Variants in RNF130 observed in about 807,000 individuals in gnomAD.
RNF130 encodes the protein E3 ubiquitin-protein ligase RNF130.
In RNF130, 21 loss-of-function variants were observed where a neutral mutation model predicts 44.6. The observed-to-expected ratio is 0.47, with a 90% CI of 0.33 to 0.68. RNF130 has a LOEUF of 0.68. Ranked by LOEUF, RNF130 falls within the 30% of genes least tolerant of loss-of-function variation. The probability of loss-of-function intolerance (pLI) is 0.02; values close to 1 mark genes in which losing one functional copy is unlikely to be tolerated. For missense variants in RNF130, 479 were observed against 560.6 expected (o/e 0.85, Z 1.47); for synonymous variants, 214 against 210.4 (o/e 1.02, Z -0.15).
At chr5:180,052,082 CCT>C (rs1480621050) in intron 1 of RNF130, among the ~76,000 whole-genome samples, 1 of 152,168 alleles carries the variant, frequency 6.6e-6, no homozygotes, top group Non-Finnish European at 1.5e-5. Flanking sequence ...TTTCCTCCCA[CCT>C]CTCTAACTAT....
chr5:179,932,155 T>C (rs540334082), intron 7 of RNF130, among the ~76,000 whole-genome samples: 316 of 152,360 alleles, frequency 2.1e-3, no homozygotes, highest in African/African-American at 7.4e-3. Flanking sequence ...TTATAGGGTG[T>C]TCCTTCAGAA....
chr5:179,936,591 T>A (rs903015442), intron 7 of RNF130, among the ~76,000 whole-genome samples: 2 of 152,174 alleles, frequency 1.3e-5, no homozygotes, highest in Non-Finnish European at 1.5e-5. Context: ...TTCCTCCCAA[T>A]ACTTTACTAT....
intron 3 of RNF130, among the ~76,000 whole-genome samples, chr5:179,982,072 C>G (rs964782072): frequency 1.3e-5 from 2 of 152,060 alleles, no homozygotes; most frequent in Non-Finnish European, 2.9e-5. Context: ...CTCCCGCCAC[C>G]CCATCCCTCC....
At position 179,984,595 on chromosome 5, in the gene RNF130, C is replaced by T. The variant is rs78954427; in HGVS notation, c.694-4395G>A. On this transcript the variant is annotated intron_variant, in intron 3 of 8. Transcript: ENST00000521389. ...ATGAAACTTATATTCCTGGAGTAAA[C>T]ATCACCTGGTCATGATGAATTTATA... Among the ~76,000 whole-genome samples, 8 of 152,192 alleles carry T rather than the reference C, an allele frequency of 5.3e-5. No homozygotes were observed. In the East Asian group the frequency reaches 1.5e-3, roughly 29 times the overall value.
In RNF130 at chr5:180,071,427, C is replaced by G. The variant is rs1290399390; in HGVS notation, c.247+29G>C. 14 of 1,232,660 alleles carry G rather than the reference C, an allele frequency of 1.1e-5. No individual in the cohort carries two copies. In the African/African-American group the frequency reaches 1.9e-4, roughly 16 times the overall value. 76.4% of individuals were successfully genotyped at this position (1,232,660 alleles called of 1,614,324 possible). On this transcript the variant is annotated intron_variant, in intron 1 of 8. Transcript: ENST00000521389. ...CCGCCTACGCGGGATGCAGCGACCA[C>G]CGCCCGCCGCCCCCGGGCCGGCACT...
At position 179,970,513 on chromosome 5, in the gene RNF130, A is replaced by T. The variant is rs1762556900; in HGVS notation, c.849-7T>A. ...GGATTTGTGGAAAACATGCCTATAAAATAATGGAGAATTATGTCACAAGTT... is the reference window on the plus strand; with the variant it reads ...GGATTTGTGGAAAACATGCCTATAATATAATGGAGAATTATGTCACAAGTT... On this transcript the variant is annotated splice_polypyrimidine_tract_variant and splice_region_variant and intron_variant, in intron 5 of 8. Coordinates refer to ENST00000521389, the MANE Select transcript of RNF130 (RefSeq NM_018434.6). The T allele has an allele frequency of 6.3e-7, 1 of 1,594,790 alleles. No individual in the cohort carries two copies.
intron 1 of RNF130, among the ~76,000 whole-genome samples, chr5:180,066,694 G>A (rs1248013771): frequency 1.1e-4 from 17 of 151,984 alleles, no homozygotes; most frequent in Admixed American, 7.2e-4. Flanking sequence ...AAAATTAGCC[G>A]TGCTTGGTGG....
At chr5:180,040,899 A>C (rs1764392841) in intron 1 of RNF130, among the ~76,000 whole-genome samples, 1 of 152,238 alleles carries the variant, frequency 6.6e-6, no homozygotes, top group Admixed American at 6.5e-5. Flanking sequence ...ACAGACTGAT[A>C]AAAAATAAAA....
At chr5:180,005,279 T>G (rs1226455742) in intron 3 of RNF130, among the ~76,000 whole-genome samples, 1 of 151,942 alleles carries the variant, frequency 6.6e-6, no homozygotes, top group Non-Finnish European at 1.5e-5. Context: ...AATACAAAAA[T>G]TAGTCGGGCC....
chr5:180,013,332 A>AT (rs779885149), intron 2 of RNF130, 21 bp from the exon 3 acceptor site: 2 of 1,579,086 alleles, frequency 1.3e-6, no homozygotes, highest in Admixed American at 3.6e-5. Flanking sequence ...AAATAAATAT[A>AT]TAACTCAAGT....
chr5:179,952,296 T>C (rs1416099181), downstream of RNF130, among the ~76,000 whole-genome samples: 1 of 151,902 alleles, frequency 6.6e-6, no homozygotes, highest in Admixed American at 6.6e-5. Context: ...CCTAGAAAGA[T>C]ACAAATGACT....
rs561505345 is a variant in RNF130, at chr5:180,051,621, T to C, written c.248-10974A>G. Among the ~76,000 whole-genome samples, 10 of 152,320 alleles carry C rather than the reference T, an allele frequency of 6.6e-5. No individual in the cohort carries two copies. In the East Asian group the frequency reaches 1.5e-3, roughly 23 times the overall value. ...GATGCTGCAGTCAACATGGCAGGAA[T>C]GTCCTAACAGTGGAACTGCAGCAGA... On this transcript the variant is annotated intron_variant, in intron 1 of 8. Coordinates refer to ENST00000521389, the MANE Select transcript of RNF130 (RefSeq NM_018434.6).
At chr5:179,914,582 C>A (rs1257672863) in exon 8 of RNF130, 2 of 152,288 alleles carry the variant, frequency 1.3e-5, no homozygotes, top group African/African-American at 4.8e-5. Flanking sequence ...CTGGCCAGCT[C>A]CCCTTGGGAG....
chr5:179,944,910 T>TA (rs1328224808), intron 7 of RNF130, among the ~76,000 whole-genome samples: 2 of 152,144 alleles, frequency 1.3e-5, no homozygotes, highest in Non-Finnish European at 2.9e-5. Flanking sequence ...AAGGCACATA[T>TA]ATTTGCTCAC....
intron 5 of RNF130, among the ~76,000 whole-genome samples, chr5:179,971,725 C>T (rs192953719): frequency 9.2e-5 from 14 of 152,326 alleles, no homozygotes; most frequent in African/African-American, 3.4e-4. Flanking sequence ...TATACCTTTA[C>T]AACTTTGATT....
chr5:180,067,462 G>A (rs746466869), intron 1 of RNF130, among the ~76,000 whole-genome samples: 2 of 152,200 alleles, frequency 1.3e-5, no homozygotes, highest in South Asian at 2.1e-4. Flanking sequence ...ATAACGTTTA[G>A]AGGTTCGCTG....
chr5:180,049,251 G>A (rs567513741), intron 1 of RNF130, among the ~76,000 whole-genome samples: 4 of 152,288 alleles, frequency 2.6e-5, no homozygotes, highest in South Asian at 4.1e-4. Context: ...TCCCTCACTC[G>A]AGGGAAACAT....
At chr5:179,984,413 G>C (rs1762908750) in intron 3 of RNF130, among the ~76,000 whole-genome samples, 1 of 152,118 alleles carries the variant, frequency 6.6e-6, no homozygotes, top group East Asian at 1.9e-4. Context: ...GTGGCTGTCA[G>C]TTTTTCATAG....
chr5:179,946,584 C>T (rs542371482), intron 7 of RNF130, among the ~76,000 whole-genome samples: 22 of 149,244 alleles, frequency 1.5e-4, no homozygotes, highest in Non-Finnish European at 2.7e-4. Context: ...GACGGAGTCT[C>T]GCTCTGTCGC....
Sources: allele counts gnomAD v4.1 joint callset (sites outside exome capture counted in the v4.1 genomes callset), GRCh38; gene constraint gnomAD v4.1.1; transcripts MANE v1.5; gene names NCBI Gene and HGNC (gene_info 2026-07-23, HGNC 2026-07-21).